WAPL: variants seen among roughly 807,000 people sequenced by gnomAD.
The protein encoded by WAPL is wings apart-like protein homolog.
A neutral mutation model predicts 121.0 loss-of-function variants in WAPL; 5 were observed. That is an observed-to-expected ratio of 0.04 (90% CI 0.02 to 0.09). WAPL has a LOEUF of 0.09. Ranked by LOEUF, WAPL falls within the 10% of genes least tolerant of loss-of-function variation. The pLI, the probability that WAPL is intolerant of heterozygous loss-of-function variation, is 1.00. For missense variants in WAPL, 999 were observed against 1,410.8 expected (o/e 0.71, Z 4.68); for synonymous variants, 480 against 481.5 (o/e 1.00, Z 0.04).
rs538574400 is a variant in WAPL, at chr10:86,438,347, G to C, written c.3412-332C>G. 2.0e-5 allele frequency among the ~76,000 whole-genome samples: 3 copies of C among 151,488 alleles called. 1 individual carries two copies. The South Asian group carries it at 6.2e-4, about 31-fold the overall frequency. On this transcript the variant is annotated intron_variant, in intron 17 of 18. Transcript: ENST00000298767. ...CAGCTCACTGCAACCTCTACCTCCTGGGTTCAAGTGATTCCCATGCCTCAG... is the reference window on the plus strand; with the variant it reads ...CAGCTCACTGCAACCTCTACCTCCTCGGTTCAAGTGATTCCCATGCCTCAG...
intron 12 of WAPL, among the ~76,000 whole-genome samples, chr10:86,454,609 T>C (rs1841086904): frequency 6.6e-6 from 1 of 152,238 alleles, no homozygotes; most frequent in Non-Finnish European, 1.5e-5. Flanking sequence ...GCCGCCTGCC[T>C]TGGCCTCCCA....
chr10:86,446,152 A>C, intron 16 of WAPL, 90 bp downstream of exon 16: 1 of 1,416,634 alleles, frequency 7.1e-7, no homozygotes. Flanking sequence ...TAGCCAGATT[A>C]AGACAATCTG....
rs1249912878 is a variant in WAPL, at chr10:86,497,191, C to T, written c.1644+10G>A. 3.2e-6 allele frequency: 5 copies of T among 1,583,736 alleles called. No homozygotes were observed. Among genetic ancestry groups the T allele is most frequent in the Non-Finnish European group, 4.3e-6 (5 of 1,157,376 alleles). On this transcript the variant is annotated intron_variant, in intron 4 of 18. Transcript: ENST00000298767. ...TAAATAATAAAAATCACTGACAGTG[C>T]TTTACTTACCCGTTTGGGGCCACTA...
At chr10:86,517,357 G>A (rs1372903791) in intron 2 of WAPL, among the ~76,000 whole-genome samples, 2 of 152,102 alleles carry the variant, frequency 1.3e-5, no homozygotes, top group Admixed American at 6.6e-5. Flanking sequence ...CGTACCCTGC[G>A]CAACAGTCTA....
chr10:86,458,088 T>A (rs1364378292), intron 12 of WAPL, among the ~76,000 whole-genome samples: 3 of 152,238 alleles, frequency 2.0e-5, no homozygotes, highest in African/African-American at 7.2e-5. Flanking sequence ...GCAATGGGCC[T>A]TTGATAAGGC....
intron 2 of WAPL, among the ~76,000 whole-genome samples, chr10:86,507,240 CGCCTATAATCCCA>C (rs1842369289): frequency 6.6e-6 from 1 of 151,078 alleles, no homozygotes; most frequent in African/African-American, 2.4e-5. Context: ...TGGTGACAGG[CGCCTATAATCCCA>C]GCTACTCGGG....
intron 3 of WAPL, among the ~76,000 whole-genome samples, chr10:86,498,242 A>G (rs561870521): frequency 2.6e-5 from 4 of 152,198 alleles, no homozygotes; most frequent in Non-Finnish European, 5.9e-5. Flanking sequence ...CAGCAGGACA[A>G]GGGCGCTGGT....
intron 8 of WAPL, 24 bp downstream of exon 8, chr10:86,470,968 C>A: frequency 6.2e-7 from 1 of 1,600,942 alleles, no homozygotes; most frequent in South Asian, 1.1e-5. Context: ...TAAGGCTTCT[C>A]AATCTCAGAA....
At chr10:86,495,116 A>C (rs1040597943) in intron 4 of WAPL, among the ~76,000 whole-genome samples, 5 of 152,190 alleles carry the variant, frequency 3.3e-5, no homozygotes, top group African/African-American at 1.2e-4. Context: ...GCAACCTCTA[A>C]TTTTAACTTT....
Position 86,517,598 on chromosome 10 carries a change from T to G in WAPL, c.472A>C (p.Ser158Arg). ...GAAGTTATTAATTTATTACAGCTAC[T>G]TATGCTTGCATCATCTTCTACAATT... ...NRIVEDDASISSCNKLITSDK... is the reference protein window; with the variant it reads ...NRIVEDDASIRSCNKLITSDK... The change falls in exon 2 of 19, where the codon AGT becomes CGT. Residue 158 changes from serine (S) to arginine (R), a missense_variant. This residue lies in a region of WAPL where 531 missense variants were observed against 563.1 expected (regional missense o/e 0.94). Transcript: ENST00000298767. 1 of 1,612,584 alleles carries G rather than the reference T, an allele frequency of 6.2e-7. No individual in the cohort carries two copies.
chr10:86,494,488 TA>T (rs562138507), intron 4 of WAPL, among the ~76,000 whole-genome samples: 1 of 151,686 alleles, frequency 6.6e-6, no homozygotes, highest in South Asian at 2.1e-4. Flanking sequence ...TTGCTTCCAA[TA>T]AAAAAAAATT....
At chr10:86,505,878 G>A (rs952360340) in intron 2 of WAPL, among the ~76,000 whole-genome samples, 5 of 152,034 alleles carry the variant, frequency 3.3e-5, no homozygotes, top group African/African-American at 1.2e-4. Flanking sequence ...GGGGCATAAT[G>A]GGGACTTGTA....
chr10:86,490,292 G>A (rs950783669), intron 4 of WAPL, among the ~76,000 whole-genome samples: 4 of 150,928 alleles, frequency 2.7e-5, no homozygotes, highest in Non-Finnish European at 4.4e-5. Context: ...AGCTCTTTTT[G>A]TTTTATAAAT....
chr10:86,452,796 T>C (rs1451740607), intron 14 of WAPL, among the ~76,000 whole-genome samples: 2 of 151,780 alleles, frequency 1.3e-5, no homozygotes, highest in African/African-American at 4.8e-5. Flanking sequence ...TCCCACCACT[T>C]TGGGAGGCTG....
Position 86,473,941 on chromosome 10 carries a change from A to G in WAPL, c.1677T>C (p.His559=), listed in dbSNP as rs371170731. 1.2e-6 allele frequency: 2 copies of G among 1,613,918 alleles called. No homozygotes were observed. Among genetic ancestry groups the G allele is most frequent in the African/African-American group, 1.3e-5 (1 of 74,926 alleles). The change falls in exon 5 of 19, where the codon CAT becomes CAC. Residue 559 remains histidine (H), a synonymous_variant. Transcript: ENST00000298767. Reference sequence around the variant, plus strand: ...GTTCTTCTGAATCTGGATGATTCCAATGTCTGGCATTATATACAGCTTTTG... The same window carrying G: ...GTTCTTCTGAATCTGGATGATTCCAGTGTCTGGCATTATATACAGCTTTTG... ...SPTKAVYNAR[H]WNHPDSEELP...
At chr10:86,503,068 G>A (rs1842277583) in intron 2 of WAPL, among the ~76,000 whole-genome samples, 1 of 152,194 alleles carries the variant, frequency 6.6e-6, no homozygotes. Context: ...TGAGGCAGGA[G>A]AACTGCTTGA....
In WAPL at chr10:86,504,221, A is replaced by C. The variant is rs151193730; in HGVS notation, c.500-3478T>G. 5.6e-3 allele frequency among the ~76,000 whole-genome samples: 858 copies of C among 151,992 alleles called. 8 individuals are homozygous for C. The highest frequency in any genetic ancestry group is 0.02 in the African/African-American group (814 of 41,414). On this transcript the variant is annotated intron_variant, in intron 2 of 18. Coordinates refer to ENST00000298767, the MANE Select transcript of WAPL (RefSeq NM_015045.5). The stretch of plus-strand genomic sequence containing the variant: ...AGCCAAGAACACAAAGAAGCAATTC[A>C]TTAAAATATATATCTATAATGAATT...
At chr10:86,491,667 T>C (rs891725040) in intron 4 of WAPL, among the ~76,000 whole-genome samples, 2 of 151,822 alleles carry the variant, frequency 1.3e-5, no homozygotes, top group African/African-American at 4.8e-5. Context: ...TGACAGGTTA[T>C]TTCAAAAGGA....
intron 1 of WAPL, among the ~76,000 whole-genome samples, chr10:86,520,316 AAT>A (rs1367677637): frequency 3.9e-5 from 6 of 152,144 alleles, no homozygotes; most frequent in Non-Finnish European, 7.4e-5. Context: ...TAATAATGAT[AAT>A]AATAATTTTG....
Sources: allele counts gnomAD v4.1 joint callset (sites outside exome capture counted in the v4.1 genomes callset), GRCh38; gene constraint gnomAD v4.1.1; regional missense constraint gnomAD v4.1.1; transcripts MANE v1.5; gene names NCBI Gene and HGNC (gene_info 2026-07-23, HGNC 2026-07-21).